SMC1B: variants seen among roughly 807,000 people sequenced by gnomAD.
The protein encoded by SMC1B is structural maintenance of chromosomes 1B, also known as structural maintenance of chromosomes protein 1B.
A neutral mutation model predicts 157.9 loss-of-function variants in SMC1B; 60 were observed. The observed-to-expected ratio is 0.38, with a 90% CI of 0.31 to 0.47. The LOEUF (loss-of-function observed/expected upper bound fraction) is 0.47. Ranked by LOEUF, SMC1B falls within the 20% of genes least tolerant of loss-of-function variation. The probability of loss-of-function intolerance (pLI) is 0.99; values close to 1 mark genes in which losing one functional copy is unlikely to be tolerated. For missense variants in SMC1B, 1,165 were observed against 1,426.2 expected, an observed-to-expected ratio of 0.82 and a Z score of 2.95; for synonymous variants, 445 against 483.0, an observed-to-expected ratio of 0.92 and a Z score of 1.03.
At chr22:45,408,079 AG>A (rs982857006) in intron 2 of SMC1B, among the ~76,000 whole-genome samples, 2 of 152,194 alleles carry the variant, frequency 1.3e-5, no homozygotes. Flanking sequence ...AAGAACCTCA[AG>A]AATAAATTTT....
chr22:45,373,061 C>G (rs1480402426), intron 12 of SMC1B, among the ~76,000 whole-genome samples: 1 of 152,152 alleles, frequency 6.6e-6, no homozygotes, highest in Non-Finnish European at 1.5e-5. Context: ...CAAGCAGAAA[C>G]TCTGAATCTA....
intron 15 of SMC1B, among the ~76,000 whole-genome samples, chr22:45,368,371 T>C (rs1176016830): frequency 6.6e-6 from 1 of 152,134 alleles, no homozygotes; most frequent in Non-Finnish European, 1.5e-5. Context: ...ACTGCTGATT[T>C]GTATTTAACC....
intron 21 of SMC1B, among the ~76,000 whole-genome samples, chr22:45,352,813 T>C (rs959918255): frequency 6.6e-6 from 1 of 152,188 alleles, no homozygotes; most frequent in Admixed American, 6.5e-5. Context: ...TCTCCTAACA[T>C]ACCCAGGGAT....
At chr22:45,353,542 T>C (rs2086635988) in intron 21 of SMC1B, among the ~76,000 whole-genome samples, 1 of 152,122 alleles carries the variant, frequency 6.6e-6, no homozygotes, top group South Asian at 2.1e-4. Context: ...ATTTGAACCC[T>C]GCCTTTAGTT....
In SMC1B at chr22:45,399,234, T is replaced by C; in HGVS notation, c.974A>G (p.Gln325Arg). ...TATATCATCTTCCTGTTTAGAACAT[T>C]GTTTTTCGCTGTCCTTTATTGATTT... ...AKKSIKDSEK[Q>R]CSKQEDDIKA... The change falls in exon 6 of 25, where the codon CAA (glutamine) becomes CGA (arginine). Residue 325 changes from glutamine to arginine, a missense_variant. Physicochemically the swap from Gln to Arg is conservative, Grantham distance 43. Transcript: ENST00000357450. 6.2e-7 allele frequency: 1 copy of C among 1,614,180 alleles called. No homozygotes were observed. Among genetic ancestry groups the C allele is most frequent in the Non-Finnish European group, 8.5e-7 (1 of 1,180,008 alleles).
intron 9 of SMC1B, among the ~76,000 whole-genome samples, chr22:45,393,288 T>G (rs1018249265): frequency 1.2e-4 from 18 of 152,188 alleles, no homozygotes; most frequent in African/African-American, 4.3e-4. Flanking sequence ...AATAAAACCA[T>G]GAAAAACATG....
At chr22:45,376,559 C>T (rs1416292372) in intron 12 of SMC1B, among the ~76,000 whole-genome samples, 1 of 152,046 alleles carries the variant, frequency 6.6e-6, no homozygotes, top group African/African-American at 2.4e-5. Context: ...AACATATTCA[C>T]AGGTTTCTGG....
intron 15 of SMC1B, among the ~76,000 whole-genome samples, chr22:45,364,271 GC>G (rs895335389): frequency 1.3e-5 from 2 of 151,572 alleles, no homozygotes; most frequent in African/African-American, 2.4e-5. Context: ...TGCTCACCCT[GC>G]CCCCCCACCA....
Position 45,399,201 on chromosome 22 carries a change from A to T in SMC1B, c.1007T>A (p.Leu336Gln), listed in dbSNP as rs758062801. The T allele has an allele frequency of 1.2e-6, 2 of 1,614,104 alleles. No individual in the cohort carries two copies. The highest frequency in any genetic ancestry group is 8.5e-7 in the Non-Finnish European group (1 of 1,179,994). ...CSKQEDDIKA[L>Q]ETELADLDAA... is the part of the protein sequence containing the mutation. The stretch of plus-strand genomic sequence containing the variant: ...ATCTAAATCAGCCAGCTCTGTCTCC[A>T]GGGCTTTTATATCATCTTCCTGTTT... Residue 336 changes from leucine to glutamine, a missense_variant, in exon 6 of 25, where the codon CTG becomes CAG. By Grantham distance (113) the Leu-to-Gln change is moderately radical. Transcript: ENST00000357450.
At chr22:45,369,104 G>GA (rs1555926662) in intron 15 of SMC1B, among the ~76,000 whole-genome samples, 1 of 144,686 alleles carries the variant, frequency 6.9e-6, no homozygotes, top group Admixed American at 6.9e-5. Flanking sequence ...TCATTCTTTT[G>GA]TTTTTTTTTT....
At position 45,372,273 on chromosome 22, in the gene SMC1B, C is replaced by T. The variant is rs200002280; in HGVS notation, c.2078G>A (p.Arg693His). 2.3e-4 allele frequency: 362 copies of T among 1,602,028 alleles called. No homozygotes were observed. Among genetic ancestry groups the T allele is most frequent in the Non-Finnish European group, 2.9e-4 (339 of 1,175,732 alleles). Residue 693 changes from arginine (R) to histidine (H), a missense_variant, in exon 13 of 25, where the codon CGC (arginine) becomes CAC (histidine). Arg to His is a conservative substitution (Grantham distance 29). Transcript: ENST00000357450. ...TATTTGTTTCAAATCTGTTTCTTTG[C>T]GGAGTGTCTTCATTAAACCCTAAAA... Reference protein sequence around the residue: ...QELKGLMKTLRKETDLKQIQT... With the variant: ...QELKGLMKTLHKETDLKQIQT...
In SMC1B at chr22:45,345,484, T is replaced by G; in HGVS notation, c.3581A>C (p.Asp1194Ala). Residue 1194 changes from aspartate to alanine, a missense_variant, in exon 24 of 25, where the codon GAC becomes GCC. Asp to Ala is a moderately radical substitution (Grantham distance 126, BLOSUM62 -2). Transcript: ENST00000357450. ...CTCAGGATAGATGCCGATCAGCGCG[T>G]CGGCTCTGGAATAGAACTCTTCTTT... ...SLKEEFYSRA[D>A]ALIGIYPEYD... The G allele has an allele frequency of 6.2e-7, 1 of 1,613,804 alleles. No homozygotes were observed. The highest frequency in any genetic ancestry group is 1.1e-5 in the South Asian group (1 of 91,074).
chr22:45,382,899 C>A (rs2086950425), intron 12 of SMC1B, among the ~76,000 whole-genome samples: 1 of 152,066 alleles, frequency 6.6e-6, no homozygotes, highest in Non-Finnish European at 1.5e-5. Flanking sequence ...TTTGGGAGGC[C>A]AAGGCAGGCG....
intron 10 of SMC1B, among the ~76,000 whole-genome samples, chr22:45,388,911 C>T (rs984179037): frequency 2.2e-4 from 30 of 134,248 alleles, no homozygotes; most frequent in Admixed American, 1.6e-3. Flanking sequence ...TGCTTGAACC[C>T]GGAAGGTGGA....
At chr22:45,379,092 C>A (rs1018765275) in intron 12 of SMC1B, among the ~76,000 whole-genome samples, 13 of 152,168 alleles carry the variant, frequency 8.5e-5, no homozygotes, top group Admixed American at 3.3e-4. Flanking sequence ...AGCAATTCTC[C>A]TGCCTCAGCC....
At chr22:45,400,664 T>C (rs1003669789) in intron 5 of SMC1B, among the ~76,000 whole-genome samples, 2 of 152,102 alleles carry the variant, frequency 1.3e-5, no homozygotes, top group African/African-American at 4.8e-5. Flanking sequence ...TCAAAGATTA[T>C]AGTATGAAAA....
intron 11 of SMC1B, among the ~76,000 whole-genome samples, chr22:45,386,150 C>T (rs1365837338): frequency 1.3e-5 from 2 of 151,976 alleles, no homozygotes; most frequent in African/African-American, 4.8e-5. Flanking sequence ...TTAGAAACTT[C>T]CCTAAAGTCA....
rs541281473 is a variant in SMC1B, at chr22:45,350,565, C to G, written c.3426-768G>C. 1.3e-3 allele frequency among the ~76,000 whole-genome samples: 192 copies of G among 152,204 alleles called. 1 individual carries two copies. The highest frequency in any genetic ancestry group is 4.5e-3 in the African/African-American group (185 of 41,522). ...TGCTGGGATTACAGGCGTGAGCCAC[C>G]GCGCCCGGCCCTGTCTCCTGAGTTC... On this transcript the variant is annotated intron_variant, in intron 22 of 24. Coordinates refer to ENST00000357450, the MANE Select transcript of SMC1B (RefSeq NM_148674.5).
In SMC1B at chr22:45,344,359, G is replaced by C; in HGVS notation, c.*197C>G. The C allele has an allele frequency of 2.5e-6, 1 of 399,630 alleles. No individual in the cohort carries two copies. The allele number at this position is 399,630 out of a possible 1,614,324, so 24.8% of individuals were successfully genotyped here. ...AACTCATTTGACACCAGCTCTCACT[G>C]AAAACTTTCCCTACTAGAATGAGGT... On this transcript the variant is annotated 3_prime_UTR_variant, in exon 25 of 25. Transcript: ENST00000357450.
Sources: gnomAD v4.1 joint callset for allele counts (sites outside exome capture counted in the v4.1 genomes callset) on GRCh38, gnomAD v4.1.1 for gene constraint, MANE v1.5 for transcripts, NCBI Gene and HGNC (gene_info 2026-07-23, HGNC 2026-07-21) for gene names.